GRK2: variants seen among roughly 807,000 people sequenced by gnomAD.
GRK2 encodes the protein G protein-coupled receptor kinase 2.
A neutral mutation model predicts 97.8 loss-of-function variants in GRK2; 23 were observed. The ratio of observed to expected loss-of-function variants is 0.24; its 90% CI spans 0.17 to 0.33. The LOEUF (loss-of-function observed/expected upper bound fraction) is 0.33, where lower values mean the gene tolerates loss of function less well. GRK2 is among the 10% of genes least tolerant of loss of function. The pLI is 1.00. For synonymous variants in GRK2, 425 were observed against 381.7 expected (o/e 1.11, Z -1.32); for missense variants, 633 against 956.9 (o/e 0.66, Z 4.47).
chr11:67,281,445 C>T lies in GRK2; in HGVS notation c.648-14C>T, dbSNP rs200844927. Reference sequence around the variant, plus strand: ...TCTGAGGGTGGGTGTTGACTGCCGACCTCTGCCCCGTAGGTACGCCATGAA... The same window carrying T: ...TCTGAGGGTGGGTGTTGACTGCCGATCTCTGCCCCGTAGGTACGCCATGAA... On this transcript the variant is annotated splice_polypyrimidine_tract_variant and intron_variant, in intron 8 of 20. Transcript: ENST00000308595. This position sits in a 1 kb window ranked among gnomAD's most constrained non-coding sequence, Gnocchi z 5.7. 1.4e-5 allele frequency: 23 copies of T among 1,612,224 alleles called. No homozygotes were observed. The African/African-American group carries it at 2.8e-4, about 20-fold the overall frequency.
At chr11:67,268,629 C>T (rs974879979) in intron 1 of GRK2, among the ~76,000 whole-genome samples, 1 of 152,180 alleles carries the variant, frequency 6.6e-6, no homozygotes, top group African/African-American at 2.4e-5. Flanking sequence ...AATCTCCCCC[C>T]AGAATGCATT....
intron 1 of GRK2, among the ~76,000 whole-genome samples, chr11:67,274,864 C>T (rs1859995824): frequency 6.6e-6 from 1 of 152,162 alleles, no homozygotes; most frequent in Non-Finnish European, 1.5e-5. Flanking sequence ...GGCGGGTGTG[C>T]TGGTGTGGAC....
chr11:67,279,731 G>A, intron 5 of GRK2, 31 bp downstream of exon 5: 1 of 1,613,566 alleles, frequency 6.2e-7, no homozygotes, highest in Non-Finnish European at 8.5e-7. Flanking sequence ...CCCCAGGCAA[G>A]GTCACCTTGG....
Position 67,277,651 on chromosome 11 carries a change from A to T in GRK2, c.190+303A>T, listed in dbSNP as rs974801251. Among the ~76,000 whole-genome samples, 9 of 152,336 alleles carry T rather than the reference A, an allele frequency of 5.9e-5. No individual in the cohort carries two copies. In the South Asian group the frequency reaches 1.7e-3, roughly 28 times the overall value. ...TGCAGCTTCCCCTTGGCGCGGCCGC[A>T]GCTGCTCTGGGCCGTTGGTAGAACT... is the stretch of plus-strand genomic sequence containing the variant. On this transcript the variant is annotated intron_variant, in intron 2 of 20. Coordinates refer to ENST00000308595, the MANE Select transcript of GRK2 (RefSeq NM_001619.5).
rs759410424 is a variant in GRK2 at position 67,281,807 on chromosome 11, G to T, written c.827-15G>T. 1.2e-6 allele frequency: 2 copies of T among 1,613,594 alleles called. No homozygotes were observed. Among genetic ancestry groups the T allele is most frequent in the Non-Finnish European group, 1.7e-6 (2 of 1,179,986 alleles). On this transcript the variant is annotated splice_polypyrimidine_tract_variant and intron_variant, in intron 10 of 20. Coordinates refer to ENST00000308595, the MANE Select transcript of GRK2 (RefSeq NM_001619.5). The surrounding 1 kb of genome is among the most constrained non-coding windows in gnomAD (Gnocchi z 5.7). ...GCAAGACACTGAGTGCTGCCTGTGGGACTGCCTCCCTCAGGTGGGGACCTG... is the reference window on the plus strand; with the variant it reads ...GCAAGACACTGAGTGCTGCCTGTGGTACTGCCTCCCTCAGGTGGGGACCTG...
At chr11:67,284,467 A>G (rs1860227078) in intron 18 of GRK2, 94 bp downstream of exon 18, 6 of 1,423,652 alleles carry the variant, frequency 4.2e-6, no homozygotes, top group South Asian at 3.8e-5. Context: ...GATCACAGCC[A>G]GAAAGTGGCG....
At chr11:67,284,742 TTG>T in intron 18 of GRK2, 103 bp from the exon 19 acceptor site, 1 of 1,439,998 alleles carries the variant, frequency 6.9e-7, no homozygotes, top group Non-Finnish European at 9.3e-7. Context: ...TGAGCCAAGA[TTG>T]TGCCACAGCC....
At chr11:67,280,914 T>G in intron 7 of GRK2, 131 bp downstream of exon 7, 1 of 1,234,348 alleles carries the variant, frequency 8.1e-7, no homozygotes, top group Non-Finnish European at 1.2e-6. Context: ...GCCGTGGCTA[T>G]GGGGGTCAGG....
At chr11:67,285,233 CCAGGCAGG>C in intron 20 of GRK2, 45 bp downstream of exon 20, 2 of 1,611,294 alleles carry the variant, frequency 1.2e-6, no homozygotes, top group Non-Finnish European at 8.5e-7. Context: ...AGGGGCCAGG[CCAGGCAGG>C]CTGGGGAGAG....
At position 67,283,953 on chromosome 11, in the gene GRK2, C is replaced by T; in HGVS notation, c.1491+4C>T. ...GGAGGACACAAAAGGAATCAAGGTA[C>T]TGGGCCTTGCCTGGCCTCTTGTACC... On this transcript the variant is annotated splice_donor_region_variant and intron_variant, in intron 17 of 20. Coordinates refer to ENST00000308595, the MANE Select transcript of GRK2 (RefSeq NM_001619.5). The T allele has an allele frequency of 6.2e-7, 1 of 1,603,652 alleles. No homozygotes were observed. The highest frequency in any genetic ancestry group is 8.5e-7 in the Non-Finnish European group (1 of 1,174,500).
chr11:67,285,027 G>A, intron 19 of GRK2, 44 bp downstream of exon 19: 1 of 1,611,788 alleles, frequency 6.2e-7, no homozygotes, highest in Non-Finnish European at 8.5e-7. Context: ...CTTCCGGGTG[G>A]CTGGCCGGCC....
intron 2 of GRK2, among the ~76,000 whole-genome samples, chr11:67,278,619 A>G (rs1590850900): frequency 6.6e-6 from 1 of 152,142 alleles, no homozygotes; most frequent in Admixed American, 6.5e-5. Flanking sequence ...CCCCAACTGG[A>G]CCCACCCTCC....
At position 67,286,361 on chromosome 11, in the gene GRK2, C is replaced by T. The variant is rs921557791; in HGVS notation, c.*911C>T. 14 of 697,400 alleles carry T rather than the reference C, an allele frequency of 2.0e-5. No homozygotes were observed. Among genetic ancestry groups the T allele is most frequent in the Admixed American group, 1.6e-4 (8 of 48,908 alleles). The allele number at this position is 697,400 out of a possible 1,614,324, so 43.2% of individuals were successfully genotyped here. Reference sequence around the variant, plus strand: ...ACAGCCCACGTCCTGTCAGTGCCGCCGCCTCGCCCACCGCATGCCCCCTCG... The same window carrying T: ...ACAGCCCACGTCCTGTCAGTGCCGCTGCCTCGCCCACCGCATGCCCCCTCG... On this transcript the variant is annotated 3_prime_UTR_variant, in exon 21 of 21. Transcript: ENST00000308595.
In GRK2 at chr11:67,281,387, C is replaced by T; in HGVS notation, c.648-72C>T. ...CTGGTCCTGGGTCTAGTCTTTCCCTCAAGCGCCCCCTGAGGCAGCCCTGGG... is the reference window on the plus strand; with the variant it reads ...CTGGTCCTGGGTCTAGTCTTTCCCTTAAGCGCCCCCTGAGGCAGCCCTGGG... On this transcript the variant is annotated intron_variant, in intron 8 of 20. Coordinates refer to ENST00000308595, the MANE Select transcript of GRK2 (RefSeq NM_001619.5). The surrounding 1 kb of genome is among the most constrained non-coding windows in gnomAD (Gnocchi z 5.7). The T allele has an allele frequency of 2.8e-6, 4 of 1,423,936 alleles. No homozygotes were observed. Among genetic ancestry groups the T allele is most frequent in the Non-Finnish European group, 3.9e-6 (4 of 1,014,724 alleles). 88.2% of individuals were successfully genotyped at this position (1,423,936 alleles called of 1,614,324 possible).
rs1860187478 is a variant in GRK2 at position 67,282,960 on chromosome 11, C to T, written c.1227+142C>T. On this transcript the variant is annotated intron_variant, in intron 14 of 20. Transcript: ENST00000308595. The surrounding 1 kb of genome is among the most constrained non-coding windows in gnomAD (Gnocchi z 6.9). ...TGGCCTCTGAGACAGACCTCCTGCC[C>T]CATAGGCTCTCGCCCTCCCCGTGCT... is the stretch of plus-strand genomic sequence containing the variant. 3 of 1,166,488 alleles carry T rather than the reference C, an allele frequency of 2.6e-6. No individual in the cohort carries two copies. The highest frequency in any genetic ancestry group is 1.5e-5 in the African/African-American group (1 of 66,544). 72.3% of individuals were successfully genotyped at this position (1,166,488 alleles called of 1,614,324 possible). A position where few individuals can be genotyped will look rare whatever the true frequency, so the allele number is the denominator to read the frequency against.
In GRK2 at chr11:67,283,876, C is replaced by G. The variant is rs1224558827; in HGVS notation, c.1418C>G (p.Pro473Arg). 6.2e-7 allele frequency: 1 copy of G among 1,613,174 alleles called. No homozygotes were observed. Among genetic ancestry groups the G allele is most frequent in the Non-Finnish European group, 8.5e-7 (1 of 1,179,822 alleles). Residue 473 changes from proline to arginine, a missense_variant, in exon 17 of 21, where the codon CCA (proline) becomes CGA (arginine). Pro to Arg is a moderately radical substitution (Grantham distance 103). Transcript: ENST00000308595. ...CAGTACCCTCCCCCGCTGATCCCCC[C>G]ACGAGGGGAGGTGAACGCGGCCGAC... Reference protein sequence around the residue: ...LQKYPPPLIPPRGEVNAADAF... With the variant: ...LQKYPPPLIPRRGEVNAADAF...
chr11:67,283,644 A>C (rs1860202835), intron 15 of GRK2, 63 bp from the exon 16 acceptor site: 2 of 1,555,822 alleles, frequency 1.3e-6, no homozygotes, highest in Non-Finnish European at 1.8e-6. Context: ...AAGTGGCTCA[A>C]TCAGGAGTTA....
At chr11:67,284,719 G>T in intron 18 of GRK2, 128 bp from the exon 19 acceptor site, 1 of 1,253,292 alleles carries the variant, frequency 8.0e-7, no homozygotes, top group Non-Finnish European at 1.1e-6. Context: ...AACCTGGGAG[G>T]TGGAGGTTGC....
intron 1 of GRK2, among the ~76,000 whole-genome samples, chr11:67,275,326 G>A (rs1294774299): frequency 3.3e-5 from 5 of 152,188 alleles, no homozygotes; most frequent in African/African-American, 4.8e-5. Context: ...GGCCAGGTCC[G>A]CACTGTCTGG....
Sources: gnomAD v4.1 joint callset for allele counts (sites outside exome capture counted in the v4.1 genomes callset) on GRCh38, gnomAD v4.1.1 for gene constraint, Gnocchi (gnomAD v3.1) non-coding constraint, MANE v1.5 for transcripts, NCBI Gene and HGNC (gene_info 2026-07-23, HGNC 2026-07-21) for gene names.